CHD6: variants seen among roughly 807,000 people sequenced by gnomAD.
The protein encoded by CHD6 is chromodomain helicase DNA binding protein 6, also known as ATP-dependent chromatin remodeler CHD6.
A neutral mutation model predicts 276.9 loss-of-function variants in CHD6; 50 were observed. The observed-to-expected ratio is 0.18, with a 90% CI of 0.14 to 0.23. The LOEUF (loss-of-function observed/expected upper bound fraction) is 0.23, where lower values mean the gene tolerates loss of function less well. Ranked by LOEUF, CHD6 falls within the 10% of genes least tolerant of loss-of-function variation. CHD6 has a pLI of 1.00. For synonymous variants in CHD6, 1,173 were observed against 1,229.3 expected, an observed-to-expected ratio of 0.95 and a Z score of 0.96; for missense variants, 2,564 against 3,365.8, an observed-to-expected ratio of 0.76 and a Z score of 5.89.
chr20:41,581,903 C>A (rs1300627568), intron 1 of CHD6, among the ~76,000 whole-genome samples: 4 of 152,122 alleles, frequency 2.6e-5, no homozygotes, highest in African/African-American at 9.7e-5. Context: ...GGTAGGGACA[C>A]AAAACATACA....
chr20:41,486,878 C>CTTT (rs1024352999), intron 14 of CHD6, among the ~76,000 whole-genome samples: 1 of 151,976 alleles, frequency 6.6e-6, no homozygotes, highest in Non-Finnish European at 1.5e-5. Flanking sequence ...TGGTTACCAC[C>CTTT]TCTTCTCTCC....
chr20:41,542,395 TAGAA>T (rs2044960675), intron 2 of CHD6, among the ~76,000 whole-genome samples: 1 of 152,170 alleles, frequency 6.6e-6, no homozygotes, highest in Non-Finnish European at 1.5e-5. Context: ...GGCCTAGAGT[TAGAA>T]AGACTGTATT....
Position 41,493,627 on chromosome 20 carries a change from C to G in CHD6, c.1225G>C (p.Glu409Gln). The change falls in exon 10 of 37, where the codon GAA becomes CAA. Residue 409 changes from glutamate to glutamine, a missense_variant. Transcript: ENST00000373233. ...LVKWCSLPYE[E>Q]STWELEEDVD... ...TCTTCCTCTAGCTCCCACGTGCTTT[C>G]TTCATATGGTAGTGAGCACCACTTC... 1 of 1,613,956 alleles carries G rather than the reference C, an allele frequency of 6.2e-7. No homozygotes were observed. Among genetic ancestry groups the G allele is most frequent in the Non-Finnish European group, 8.5e-7 (1 of 1,179,896 alleles).
At chr20:41,435,557 T>C (rs953688071) in intron 27 of CHD6, among the ~76,000 whole-genome samples, 4 of 150,114 alleles carry the variant, frequency 2.7e-5, no homozygotes, top group South Asian at 2.1e-4. Flanking sequence ...TGAGCTATGA[T>C]TGCATCACCA....
At position 41,487,750 on chromosome 20, in the gene CHD6, C is replaced by G; in HGVS notation, c.1916G>C (p.Ser639Thr). Residue 639 changes from serine (S) to threonine (T), a missense_variant, in exon 14 of 37, where the codon AGT becomes ACT. By Grantham distance (58) the Ser-to-Thr change is moderately conservative. Around this residue, in one of 7 missense-constraint regions of CHD6, gnomAD observed 457 missense variants for 889.0 expected, o/e 0.51. Coordinates refer to ENST00000373233, the MANE Select transcript of CHD6 (RefSeq NM_032221.5). The part of the protein sequence containing the change: ...PLQNSVEELF[S>T]LLNFLEPSQF... Reference sequence around the variant, plus strand: ...TGATGGCTCCAGAAAATTTAACAAACTGAAGAGCTCCTCCACAGAGTTCTG... The same window carrying G: ...TGATGGCTCCAGAAAATTTAACAAAGTGAAGAGCTCCTCCACAGAGTTCTG... 6.2e-7 allele frequency: 1 copy of G among 1,611,626 alleles called. No individual in the cohort carries two copies. The highest frequency in any genetic ancestry group is 8.5e-7 in the Non-Finnish European group (1 of 1,179,380).
intron 5 of CHD6, among the ~76,000 whole-genome samples, chr20:41,499,593 A>C (rs192147301): frequency 3.2e-4 from 49 of 152,324 alleles, no homozygotes; most frequent in Non-Finnish European, 4.9e-4. Flanking sequence ...GAAGTTTTTC[A>C]GATGCAATTT....
intron 1 of CHD6, among the ~76,000 whole-genome samples, chr20:41,592,524 T>G (rs879753508): frequency 6.6e-6 from 1 of 152,232 alleles, no homozygotes; most frequent in Non-Finnish European, 1.5e-5. Context: ...TTTTTAAAAG[T>G]ATTAACAATG....
chr20:41,464,148 CAT>C (rs2042865517), intron 17 of CHD6, among the ~76,000 whole-genome samples: 2 of 152,248 alleles, frequency 1.3e-5, no homozygotes, highest in East Asian at 1.9e-4. Flanking sequence ...AATGTATAAA[CAT>C]ATGAAATACA....
At chr20:41,490,669 A>T (rs1044307408) in intron 11 of CHD6, among the ~76,000 whole-genome samples, 1 of 151,924 alleles carries the variant, frequency 6.6e-6, no homozygotes, top group Non-Finnish European at 1.5e-5. Flanking sequence ...AAAAACTAGC[A>T]GGGCGAGGTG....
At chr20:41,488,686 C>T in intron 12 of CHD6, 82 bp from the exon 13 acceptor site, 2 of 1,219,996 alleles carry the variant, frequency 1.6e-6, no homozygotes, top group Non-Finnish European at 2.3e-6. Flanking sequence ...CAGGAGGCAG[C>T]ACTACAGATG....
At chr20:41,438,604 C>A (rs1033191997) in intron 26 of CHD6, among the ~76,000 whole-genome samples, 5 of 151,968 alleles carry the variant, frequency 3.3e-5, no homozygotes, top group East Asian at 1.9e-4. Flanking sequence ...AAACAAAAAA[C>A]CCCCAAAAAA....
intron 31 of CHD6, 66 bp from the exon 32 acceptor site, chr20:41,417,415 G>C (rs1012105139): frequency 7.3e-7 from 1 of 1,372,626 alleles, no homozygotes; most frequent in African/African-American, 1.4e-5. Context: ...TGATCTGAGA[G>C]ATTAGGATAT....
At chr20:41,487,621 A>C in intron 14 of CHD6, 44 bp downstream of exon 14, 1 of 1,554,986 alleles carries the variant, frequency 6.4e-7, no homozygotes, top group Non-Finnish European at 8.7e-7. Flanking sequence ...CTTGATGAAG[A>C]TAACGATCAC....
intron 14 of CHD6, 31 bp from the exon 15 acceptor site, chr20:41,484,638 C>T: frequency 6.2e-7 from 1 of 1,611,072 alleles, no homozygotes; most frequent in Admixed American, 1.7e-5. Context: ...TAGTTACCTG[C>T]CTCAATCCCA....
intron 3 of CHD6, among the ~76,000 whole-genome samples, chr20:41,532,700 G>A (rs754082655): frequency 2.6e-5 from 4 of 152,008 alleles, no homozygotes; most frequent in Non-Finnish European, 5.9e-5. Flanking sequence ...TGGGATATAG[G>A]GGGTACATCT....
chr20:41,417,760 C>T lies in CHD6; in HGVS notation c.6128-411G>A, dbSNP rs143998431. On this transcript the variant is annotated intron_variant, in intron 31 of 36. Transcript: ENST00000373233. ...GTCTATGAAATGTAACACGGCAAGA[C>T]GGTGATTAATATGAGAAAGGATGAA... Among the ~76,000 whole-genome samples, 140 of 152,092 alleles carry T rather than the reference C, an allele frequency of 9.2e-4. 1 individual carries two copies. The highest frequency in any genetic ancestry group is 2.8e-3 in the African/African-American group (118 of 41,462).
chr20:41,430,005 T>C (rs549389133), intron 27 of CHD6, among the ~76,000 whole-genome samples: 9 of 152,326 alleles, frequency 5.9e-5, no homozygotes, highest in African/African-American at 2.2e-4. Flanking sequence ...TTTGGGCTTC[T>C]TTAACTCTGC....
At chr20:41,595,238 T>C (rs1287582661) in intron 1 of CHD6, among the ~76,000 whole-genome samples, 1 of 152,024 alleles carries the variant, frequency 6.6e-6, no homozygotes, top group Non-Finnish European at 1.5e-5. Flanking sequence ...TGTAAGAAAA[T>C]CCATGGGGCA....
intron 27 of CHD6, among the ~76,000 whole-genome samples, chr20:41,435,623 G>T (rs1166564298): frequency 7.6e-6 from 1 of 131,848 alleles, no homozygotes; most frequent in Admixed American, 7.5e-5. Flanking sequence ...AAAAAAAAAA[G>T]TAAATGCAGA....
Sources: gnomAD v4.1 joint callset for allele counts (sites outside exome capture counted in the v4.1 genomes callset) on GRCh38, gnomAD v4.1.1 for gene constraint, gnomAD v4.1.1 regional missense constraint, MANE v1.5 for transcripts, NCBI Gene and HGNC (gene_info 2026-07-23, HGNC 2026-07-21) for gene names.